CECR2: variants seen among roughly 807,000 people sequenced by gnomAD.
CECR2 encodes the protein CECR2 histone acetyl-lysine reader, also known as chromatin remodeling regulator CECR2.
CECR2 carries 30 observed loss-of-function variants against 154.5 expected under a neutral mutation model. The observed-to-expected ratio is 0.19, with a 90% CI of 0.15 to 0.26. The LOEUF (loss-of-function observed/expected upper bound fraction) is 0.26, where lower values mean the gene tolerates loss of function less well. Among genes scored for constraint, CECR2 ranks in the 10% least tolerant of loss-of-function variants. The pLI is 1.00. For missense variants in CECR2, 1,743 were observed against 1,829.3 expected, an observed-to-expected ratio of 0.95 and a Z score of 0.86; for synonymous variants, 725 against 683.7, an observed-to-expected ratio of 1.06 and a Z score of -0.94.
chr22:17,527,159 C>T (rs2056279252), intron 9 of CECR2, among the ~76,000 whole-genome samples: 1 of 152,146 alleles, frequency 6.6e-6, no homozygotes, highest in African/African-American at 2.4e-5. Flanking sequence ...CAAAAGAAGT[C>T]ATACAAATGC....
At chr22:17,490,401 G>A (rs2055506303) in intron 2 of CECR2, among the ~76,000 whole-genome samples, 1 of 151,692 alleles carries the variant, frequency 6.6e-6, no homozygotes, top group Admixed American at 6.6e-5. Flanking sequence ...ACTGTGCCTG[G>A]TAGATCATTT....
chr22:17,489,697 GTCC>G (rs1331095822), intron 2 of CECR2, among the ~76,000 whole-genome samples: 1 of 151,954 alleles, frequency 6.6e-6, no homozygotes, highest in African/African-American at 2.4e-5. Context: ...GCCTCAAGTT[GTCC>G]TCCAGCCTCA....
chr22:17,384,204 A>C (rs1302654700), intron 1 of CECR2, among the ~76,000 whole-genome samples: 1 of 152,220 alleles, frequency 6.6e-6, no homozygotes, highest in African/African-American at 2.4e-5. Flanking sequence ...GCCCAGATTC[A>C]TCAGAAGAAT....
chr22:17,479,408 A>G (rs1273531273), intron 2 of CECR2, among the ~76,000 whole-genome samples: 4 of 152,238 alleles, frequency 2.6e-5, no homozygotes, highest in Non-Finnish European at 5.9e-5. Flanking sequence ...ATGAATCATT[A>G]CAGTAATGAT....
At chr22:17,434,145 T>A (rs963868675) in intron 1 of CECR2, among the ~76,000 whole-genome samples, 1 of 150,982 alleles carries the variant, frequency 6.6e-6, no homozygotes, top group Non-Finnish European at 1.5e-5. Flanking sequence ...TCCATGAGGG[T>A]AAAAAAAAAT....
At chr22:17,438,548 G>GC (rs2054539056) in intron 1 of CECR2, among the ~76,000 whole-genome samples, 1 of 152,106 alleles carries the variant, frequency 6.6e-6, no homozygotes, top group African/African-American at 2.4e-5. Context: ...CTGCCCGCAG[G>GC]CCGCCTGCAG....
rs750452899 is a variant in CECR2, at chr22:17,549,095, C to T, written c.3808C>T (p.Pro1270Ser). Reference protein sequence around the residue: ...TRMDAVAAKVPNDGQNPGPEE... With the variant: ...TRMDAVAAKVSNDGQNPGPEE... Reference sequence around the variant, plus strand: ...TATGGATGCAGTGGCTGCTAAAGTCCCAAATGACGGGCAGAATCCTGGTCC... The same window carrying T: ...TATGGATGCAGTGGCTGCTAAAGTCTCAAATGACGGGCAGAATCCTGGTCC... The change falls in exon 17 of 19, where the codon CCA (proline) becomes TCA (serine). Residue 1270 changes from proline to serine, a missense_variant. Transcript: ENST00000262608. 1.2e-6 allele frequency: 2 copies of T among 1,613,990 alleles called. No homozygotes were observed. The highest frequency in any genetic ancestry group is 2.2e-5 in the East Asian group (1 of 44,886).
At chr22:17,510,989 CCTT>C (rs1179719997) in intron 7 of CECR2, among the ~76,000 whole-genome samples, 1 of 152,192 alleles carries the variant, frequency 6.6e-6, no homozygotes, top group Non-Finnish European at 1.5e-5. Context: ...ATAAACCACC[CCTT>C]CTTGTCATTT....
intron 17 of CECR2, among the ~76,000 whole-genome samples, chr22:17,551,172 A>G (rs2056702673): frequency 6.6e-6 from 1 of 152,092 alleles, no homozygotes; most frequent in African/African-American, 2.4e-5. Flanking sequence ...ACCCCTCAAT[A>G]CTTGAGCATG....
Position 17,548,534 on chromosome 22 carries a change from A to G in CECR2, c.3247A>G (p.Arg1083Gly), listed in dbSNP as rs1312232447. ...TGGTTCCGAAAAGCTGCTCTGCCCC[A>G]GAGGCAGAACGTTGCAGGAAACCAT... ...SSGSEKLLCP[R>G]GRTLQETMPC... The change falls in exon 17 of 19, where the codon AGA becomes GGA. Residue 1083 changes from arginine to glycine, a missense_variant. Around this residue, in one of 4 missense-constraint regions of CECR2, gnomAD observed 1,250 missense variants for 1,192.1 expected, o/e 1.05. Transcript: ENST00000262608. 1.2e-6 allele frequency: 2 copies of G among 1,613,790 alleles called. No homozygotes were observed. The highest frequency in any genetic ancestry group is 3.3e-5 in the Admixed American group (2 of 59,992).
At chr22:17,534,465 A>G (rs2056406793) in intron 9 of CECR2, among the ~76,000 whole-genome samples, 1 of 152,128 alleles carries the variant, frequency 6.6e-6, no homozygotes, top group Non-Finnish European at 1.5e-5. Flanking sequence ...AGCAAAAACC[A>G]TAAGGAAAGA....
intron 1 of CECR2, among the ~76,000 whole-genome samples, chr22:17,372,298 T>TA (rs753545525): frequency 5.3e-5 from 8 of 152,206 alleles, no homozygotes; most frequent in Non-Finnish European, 1.0e-4. Flanking sequence ...AATTTTAACT[T>TA]ACGCTTTTTA....
intron 1 of CECR2, among the ~76,000 whole-genome samples, chr22:17,395,547 C>G (rs1464937763): frequency 6.6e-6 from 1 of 151,660 alleles, no homozygotes; most frequent in African/African-American, 2.4e-5. Context: ...GTTTCACCAT[C>G]TTGGCCAGGC....
At chr22:17,466,210 C>T (rs571462619) in intron 1 of CECR2, among the ~76,000 whole-genome samples, 2 of 152,066 alleles carry the variant, frequency 1.3e-5, no homozygotes, top group Non-Finnish European at 2.9e-5. Flanking sequence ...CAGACATGAG[C>T]CAGAGCGCCT....
intron 2 of CECR2, among the ~76,000 whole-genome samples, chr22:17,492,031 C>G (rs758016857): frequency 6.6e-6 from 1 of 152,136 alleles, no homozygotes; most frequent in Non-Finnish European, 1.5e-5. Flanking sequence ...TTATAAGCTT[C>G]GAGAATAAAT....
At chr22:17,427,898 C>T (rs2054356147) in intron 1 of CECR2, among the ~76,000 whole-genome samples, 1 of 152,190 alleles carries the variant, frequency 6.6e-6, no homozygotes, top group Non-Finnish European at 1.5e-5. Context: ...TGAGAAATCG[C>T]CACACTGTCT....
chr22:17,436,149 G>A (rs1452740166), intron 1 of CECR2, among the ~76,000 whole-genome samples: 13 of 152,034 alleles, frequency 8.6e-5, no homozygotes. Flanking sequence ...TAGTAGAGAC[G>A]GGGTTTCACG....
intron 1 of CECR2, among the ~76,000 whole-genome samples, chr22:17,375,531 A>G (rs989455016): frequency 5.3e-5 from 8 of 152,196 alleles, no homozygotes; most frequent in African/African-American, 1.9e-4. Context: ...GACAATGTAT[A>G]TAATGTCAAA....
chr22:17,425,401 C>T (rs1353336170), intron 1 of CECR2, among the ~76,000 whole-genome samples: 1 of 152,076 alleles, frequency 6.6e-6, no homozygotes, highest in Non-Finnish European at 1.5e-5. Flanking sequence ...CTTTGTAATT[C>T]TTACTTTCAA....
Sources: gnomAD v4.1 joint callset for allele counts (sites outside exome capture counted in the v4.1 genomes callset) on GRCh38, gnomAD v4.1.1 for gene constraint, gnomAD v4.1.1 regional missense constraint, MANE v1.5 for transcripts, NCBI Gene and HGNC (gene_info 2026-07-23, HGNC 2026-07-21) for gene names.